The following MAP2K5 variants were observed in gnomAD, a reference collection of about 807,000 sequenced individuals.
The protein encoded by MAP2K5 is mitogen-activated protein kinase kinase 5.
A neutral mutation model predicts 83.1 loss-of-function variants in MAP2K5; 49 were observed. The ratio of observed to expected loss-of-function variants is 0.59; its 90% CI spans 0.47 to 0.75. The LOEUF (loss-of-function observed/expected upper bound fraction) is 0.75. MAP2K5 is among the 30% of genes least tolerant of loss of function. The probability of loss-of-function intolerance (pLI) is 0.00; values close to 1 mark genes in which losing one functional copy is unlikely to be tolerated. For missense variants in MAP2K5, 457 were observed against 557.5 expected (o/e 0.82, Z 1.82); for synonymous variants, 202 against 191.8 (o/e 1.05, Z -0.44).
At chr15:67,578,256 C>T (rs557335415) in intron 3 of MAP2K5, among the ~76,000 whole-genome samples, 18 of 152,228 alleles carry the variant, frequency 1.2e-4, no homozygotes, top group African/African-American at 3.4e-4. Flanking sequence ...ACCTGGTGGC[C>T]GGTCAGGACT....
At chr15:67,600,890 C>T in intron 8 of MAP2K5, 141 bp downstream of exon 8, 1 of 607,580 alleles carries the variant, frequency 1.6e-6, no homozygotes, top group Non-Finnish European at 2.8e-6. Flanking sequence ...TGCAAGACAT[C>T]TATTTTCTCA....
chr15:67,660,635 C>T (rs779918108), intron 12 of MAP2K5, among the ~76,000 whole-genome samples: 1 of 152,106 alleles, frequency 6.6e-6, no homozygotes, highest in Non-Finnish European at 1.5e-5. Flanking sequence ...ATATTGAATA[C>T]TTCCTGTGCC....
chr15:67,648,594 A>G (rs2086882780), intron 11 of MAP2K5, among the ~76,000 whole-genome samples: 1 of 150,072 alleles, frequency 6.7e-6, no homozygotes, highest in Non-Finnish European at 1.5e-5. Flanking sequence ...TTTTTTTGAA[A>G]CAGAGTCTCG....
rs960231339 is a variant in MAP2K5 at position 67,607,209 on chromosome 15, C to A, written c.545+6460C>A. 4.6e-5 allele frequency among the ~76,000 whole-genome samples: 7 copies of A among 152,080 alleles called. No individual in the cohort carries two copies. The East Asian group carries it at 5.8e-4, about 13-fold the overall frequency. Reference sequence around the variant, plus strand: ...TTTAAAGAAGCAAACAAGACATCATCCTAATGCAAAATTAAATATTTGTAT... The same window carrying A: ...TTTAAAGAAGCAAACAAGACATCATACTAATGCAAAATTAAATATTTGTAT... On this transcript the variant is annotated intron_variant, in intron 8 of 21. Transcript: ENST00000178640.
intron 4 of MAP2K5, among the ~76,000 whole-genome samples, chr15:67,583,366 A>T (rs2085223023): frequency 6.6e-6 from 1 of 152,200 alleles, no homozygotes; most frequent in Non-Finnish European, 1.5e-5. Context: ...TCATTGTCAT[A>T]TGTAGTCTTA....
chr15:67,767,912 C>G (rs2141298378), intron 19 of MAP2K5, among the ~76,000 whole-genome samples: 1 of 152,282 alleles, frequency 6.6e-6, no homozygotes, highest in East Asian at 1.9e-4. Flanking sequence ...CCTCTTAACC[C>G]TTCTCTACTG....
chr15:67,586,922 G>A lies in MAP2K5; in HGVS notation c.431+9G>A, dbSNP rs772465938. The A allele has an allele frequency of 2.2e-5, 35 of 1,613,884 alleles. No individual in the cohort carries two copies. Among genetic ancestry groups the A allele is most frequent in the South Asian group, 5.5e-5 (5 of 91,072 alleles). On this transcript the variant is annotated intron_variant, in intron 6 of 21. Coordinates refer to ENST00000178640, the MANE Select transcript of MAP2K5 (RefSeq NM_145160.3). Reference sequence around the variant, plus strand: ...TCACTTCCAAGCAATAGGTGCGAGCGAGCAAGTAAAGTGTGCCCTTGATGT... The same window carrying A: ...TCACTTCCAAGCAATAGGTGCGAGCAAGCAAGTAAAGTGTGCCCTTGATGT...
intron 3 of MAP2K5, among the ~76,000 whole-genome samples, chr15:67,570,477 G>A (rs2084928509): frequency 6.6e-6 from 1 of 152,204 alleles, no homozygotes; most frequent in South Asian, 2.1e-4. Context: ...ATGAGTTATT[G>A]AGGAGTCAGA....
At chr15:67,681,131 G>T (rs1465011960) in intron 13 of MAP2K5, among the ~76,000 whole-genome samples, 1 of 152,190 alleles carries the variant, frequency 6.6e-6, no homozygotes, top group Non-Finnish European at 1.5e-5. Flanking sequence ...GCAGTGCTAA[G>T]CACACAGGCC....
rs2084599533 is a variant in MAP2K5, at chr15:67,555,176, C to A, written c.184+5094C>A. 6.6e-6 allele frequency among the ~76,000 whole-genome samples: 1 copy of A among 152,318 alleles called. No individual in the cohort carries two copies. Among genetic ancestry groups the A allele is most frequent in the Admixed American group, 6.5e-5 (1 of 15,300 alleles). ...TCCATTACATCTAGAGCTCACAGTT[C>A]TACAGGCTGTACAAGCATGGCACTA... On this transcript the variant is annotated intron_variant, in intron 2 of 21. Transcript: ENST00000178640. The surrounding 1 kb of genome is among the most constrained non-coding windows in gnomAD (Gnocchi z 5.2).
intron 8 of MAP2K5, among the ~76,000 whole-genome samples, chr15:67,614,960 G>A (rs1328040948): frequency 6.6e-6 from 1 of 151,974 alleles, no homozygotes; most frequent in African/African-American, 2.4e-5. Flanking sequence ...TAACATATTT[G>A]ACTTGAGACC....
chr15:67,804,668 G>T (rs1312704202), intron 21 of MAP2K5, among the ~76,000 whole-genome samples: 2 of 152,182 alleles, frequency 1.3e-5, no homozygotes, highest in African/African-American at 2.4e-5. Flanking sequence ...GAGCATATGG[G>T]CCCCAAAGTC....
chr15:67,704,585 A>G (rs2088505099), intron 16 of MAP2K5, among the ~76,000 whole-genome samples: 1 of 152,244 alleles, frequency 6.6e-6, no homozygotes, highest in Non-Finnish European at 1.5e-5. Context: ...AAGCAAAAAT[A>G]AAGTGTTGAA....
Position 67,592,910 on chromosome 15 carries a change from T to C in MAP2K5, c.432-16T>C, listed in dbSNP as rs751202507. ...TGTTGATGATCTTGCCACTAAAAAT[T>C]ATCTTTCCTTTTCAGCTTAAAGAAG... On this transcript the variant is annotated splice_polypyrimidine_tract_variant and intron_variant, in intron 6 of 21. Transcript: ENST00000178640. 1.9e-6 allele frequency: 3 copies of C among 1,598,886 alleles called. No homozygotes were observed. Among genetic ancestry groups the C allele is most frequent in the South Asian group, 2.2e-5 (2 of 89,210 alleles).
chr15:67,748,299 C>T lies in MAP2K5; in HGVS notation c.1101+42C>T. ...CAGAAAAAAATTCACTTTTCTTTTT[C>T]CTGATGGCTGCTTCCTTTGCATGCT... On this transcript the variant is annotated intron_variant, in intron 18 of 21. Transcript: ENST00000178640. The surrounding 1 kb of genome is among the most constrained non-coding windows in gnomAD (Gnocchi z 4.0). The T allele has an allele frequency of 6.6e-7, 1 of 1,513,932 alleles. No homozygotes were observed. The highest frequency in any genetic ancestry group is 1.4e-5 in the African/African-American group (1 of 72,884). 93.8% of individuals were successfully genotyped at this position (1,513,932 alleles called of 1,614,324 possible).
chr15:67,797,001 G>A (rs1326175026), intron 21 of MAP2K5, among the ~76,000 whole-genome samples: 3 of 152,360 alleles, frequency 2.0e-5, no homozygotes, highest in Admixed American at 2.0e-4. Context: ...CCCCCAGGGA[G>A]GCTGGGAGTG....
At position 67,675,314 on chromosome 15, in the gene MAP2K5, T is replaced by G. The variant is rs2087650871; in HGVS notation, c.847+10669T>G. Among the ~76,000 whole-genome samples the G allele has an allele frequency of 2.6e-5, 4 of 152,206 alleles. No homozygotes were observed. In the South Asian group the frequency reaches 8.3e-4, roughly 31 times the overall value. ...CCCACAACCTAGATGAACCTCCAGATCATTATACTGAGTGAAAAAGCCAGT... is the reference window on the plus strand; with the variant it reads ...CCCACAACCTAGATGAACCTCCAGAGCATTATACTGAGTGAAAAAGCCAGT... On this transcript the variant is annotated intron_variant, in intron 13 of 21. Transcript: ENST00000178640.
At chr15:67,734,206 T>G (rs1317568812) in intron 17 of MAP2K5, among the ~76,000 whole-genome samples, 1 of 152,234 alleles carries the variant, frequency 6.6e-6, no homozygotes, top group African/African-American at 2.4e-5. Context: ...TAATTGAAAT[T>G]ACTGCTTTCT....
intron 8 of MAP2K5, chr15:67,628,496 A>G (rs1159920110): frequency 2.9e-6 from 2 of 688,046 alleles, no homozygotes; most frequent in African/African-American, 3.7e-5. Flanking sequence ...AATAAAAATA[A>G]AAAATAAAAA....
Sources: allele counts gnomAD v4.1 joint callset (sites outside exome capture counted in the v4.1 genomes callset), GRCh38; gene constraint gnomAD v4.1.1; non-coding constraint Gnocchi (gnomAD v3.1); transcripts MANE v1.5; gene names NCBI Gene and HGNC (gene_info 2026-07-23, HGNC 2026-07-21).